NRBF2: variants seen among roughly 807,000 people sequenced by gnomAD.
NRBF2 encodes the protein nuclear receptor-binding factor 2.
Under a neutral mutation model 28.5 loss-of-function variants are expected in NRBF2, and 12 were observed. The ratio of observed to expected loss-of-function variants is 0.42; its 90% CI spans 0.27 to 0.68. The LOEUF (loss-of-function observed/expected upper bound fraction) is 0.68. Among genes scored for constraint, NRBF2 ranks in the 30% least tolerant of loss-of-function variants. The pLI is 0.24. For synonymous variants in NRBF2, 102 were observed against 116.5 expected (o/e 0.88, Z 0.80); for missense variants, 274 against 333.5 (o/e 0.82, Z 1.39).
chr10:63,152,319 G>A, intron 3 of NRBF2, 129 bp downstream of exon 3: 1 of 656,152 alleles, frequency 1.5e-6, no homozygotes. Flanking sequence ...AAATGGGCAA[G>A]GGAAGAGCAC....
At chr10:63,143,627 A>AT (rs1450421730) in intron 1 of NRBF2, among the ~76,000 whole-genome samples, 1 of 151,710 alleles carries the variant, frequency 6.6e-6, no homozygotes, top group African/African-American at 2.4e-5. Context: ...TGCTGGGCTA[A>AT]TTTTTGTAGA....
intron 1 of NRBF2, among the ~76,000 whole-genome samples, chr10:63,139,044 C>T (rs753469057): frequency 6.6e-6 from 1 of 152,114 alleles, no homozygotes; most frequent in Non-Finnish European, 1.5e-5. Context: ...GAGTATCACT[C>T]TGTTGCCCAG....
chr10:63,144,628 A>C (rs1841531482), intron 1 of NRBF2, among the ~76,000 whole-genome samples: 1 of 151,866 alleles, frequency 6.6e-6, no homozygotes, highest in African/African-American at 2.4e-5. Flanking sequence ...GTGTTAGCCA[A>C]GATGGTCTCG....
At chr10:63,137,086 G>GAGCCC (rs1841389252) in intron 1 of NRBF2, among the ~76,000 whole-genome samples, 1 of 152,140 alleles carries the variant, frequency 6.6e-6, no homozygotes. Flanking sequence ...CCTCCTGCCT[G>GAGCCC]AGCCCTCCAC....
rs1443688873 is a variant in NRBF2 at position 63,134,521 on chromosome 10, T to C, written c.30+1021T>C. On this transcript the variant is annotated intron_variant, in intron 1 of 3. Coordinates refer to ENST00000277746, the MANE Select transcript of NRBF2 (RefSeq NM_030759.5). Reference sequence around the variant, plus strand: ...TTTAAGACTCTAGGTTTTGAAGCTATGCTGCTTGGATTTGAATTCTAACCT... The same window carrying C: ...TTTAAGACTCTAGGTTTTGAAGCTACGCTGCTTGGATTTGAATTCTAACCT... 8.5e-5 allele frequency among the ~76,000 whole-genome samples: 13 copies of C among 152,316 alleles called. No homozygotes were observed. The East Asian group carries it at 2.3e-3, about 27-fold the overall frequency.
chr10:63,147,427 TCTC>T (rs1311204392), intron 2 of NRBF2, among the ~76,000 whole-genome samples: 1 of 151,856 alleles, frequency 6.6e-6, no homozygotes, highest in Non-Finnish European at 1.5e-5. Context: ...TTCAAGTGGT[TCTC>T]CTGCCTCAGC....
intron 1 of NRBF2, among the ~76,000 whole-genome samples, chr10:63,140,458 C>T (rs1226250935): frequency 6.6e-6 from 1 of 152,108 alleles, no homozygotes; most frequent in African/African-American, 2.4e-5. Context: ...TCCTCTGTCC[C>T]ACAGACTAGA....
chr10:63,150,914 C>T (rs1023709298), intron 2 of NRBF2, among the ~76,000 whole-genome samples: 4 of 152,112 alleles, frequency 2.6e-5, no homozygotes, highest in African/African-American at 9.7e-5. Context: ...GAAGCTAATG[C>T]CGCTGCTGAT....
At chr10:63,147,778 T>A (rs55665856) in intron 2 of NRBF2, among the ~76,000 whole-genome samples, 1,997 of 151,746 alleles carry the variant, frequency 0.013, 31 homozygotes, top group African/African-American at 0.034. Context: ...CCGCTTTTTT[T>A]AAAAAAGAAA....
chr10:63,140,803 C>T (rs891720546), intron 1 of NRBF2, among the ~76,000 whole-genome samples: 2 of 151,730 alleles, frequency 1.3e-5, no homozygotes, highest in Non-Finnish European at 2.9e-5. Flanking sequence ...CAGGTTCAAG[C>T]GATTCTCCTG....
At chr10:63,143,523 T>C (rs996657607) in intron 1 of NRBF2, among the ~76,000 whole-genome samples, 1 of 151,874 alleles carries the variant, frequency 6.6e-6, no homozygotes, top group South Asian at 2.1e-4. Flanking sequence ...AATGGTGCGA[T>C]CTCGGCTCAC....
rs370000076 is a variant in NRBF2 at position 63,153,502 on chromosome 10, A to G, written c.157-9A>G. 6.5e-5 allele frequency: 103 copies of G among 1,577,286 alleles called. No individual in the cohort carries two copies. Among genetic ancestry groups the G allele is most frequent in the Non-Finnish European group, 7.5e-5 (87 of 1,159,764 alleles). ...TTCTTCCAATTTTATCTTTCCTTCT[A>G]TGTAATAGGCTCATCTTTCACTGGA... On this transcript the variant is annotated splice_polypyrimidine_tract_variant and intron_variant, in intron 3 of 3. Coordinates refer to ENST00000277746, the MANE Select transcript of NRBF2 (RefSeq NM_030759.5).
intron 2 of NRBF2, among the ~76,000 whole-genome samples, chr10:63,147,578 C>T (rs1489460995): frequency 6.7e-6 from 1 of 149,710 alleles, no homozygotes; most frequent in African/African-American, 2.5e-5. Context: ...TCCCAAAGCG[C>T]TGGGATTACA....
At position 63,155,024 on chromosome 10, in the gene NRBF2, A is replaced by T. The variant is rs1353231454; in HGVS notation, c.*806A>T. The T allele has an allele frequency of 1.3e-5, 2 of 152,366 alleles. No individual in the cohort carries two copies. Among genetic ancestry groups the T allele is most frequent in the East Asian group, 3.9e-4 (2 of 5,182 alleles). The allele number at this position is 152,366 out of a possible 1,614,324, so 9.4% of individuals were successfully genotyped here. On this transcript the variant is annotated 3_prime_UTR_variant, in exon 4 of 4. Transcript: ENST00000277746. ...GAAATCAATAAAGTAATTGTGTTTT[A>T]TACCTTTGTTGAACGTGGTTGATAG...
intron 1 of NRBF2, among the ~76,000 whole-genome samples, chr10:63,134,954 G>A (rs935761573): frequency 1.3e-5 from 2 of 152,142 alleles, no homozygotes; most frequent in Non-Finnish European, 1.5e-5. Flanking sequence ...TTGGGAGGCC[G>A]AGGCGGGCGA....
chr10:63,140,813 G>A lies in NRBF2; in HGVS notation c.31-5396G>A, dbSNP rs553396223. On this transcript the variant is annotated intron_variant, in intron 1 of 3. Coordinates refer to ENST00000277746, the MANE Select transcript of NRBF2 (RefSeq NM_030759.5). Reference sequence around the variant, plus strand: ...CCTCCCAGGTTCAAGCGATTCTCCTGCCTCAGCCTCCCGAGTAGCTGGGAC... The same window carrying A: ...CCTCCCAGGTTCAAGCGATTCTCCTACCTCAGCCTCCCGAGTAGCTGGGAC... Among the ~76,000 whole-genome samples, 5 of 151,662 alleles carry A rather than the reference G, an allele frequency of 3.3e-5. No individual in the cohort carries two copies. The East Asian group carries it at 9.8e-4, about 30-fold the overall frequency.
At chr10:63,133,947 C>T (rs1841332647) in intron 1 of NRBF2, among the ~76,000 whole-genome samples, 1 of 150,504 alleles carries the variant, frequency 6.6e-6, no homozygotes, top group Admixed American at 6.6e-5. Flanking sequence ...TGAATAGCCT[C>T]CTCACCCTCC....
chr10:63,134,725 T>C (rs931779030), intron 1 of NRBF2, among the ~76,000 whole-genome samples: 1 of 152,198 alleles, frequency 6.6e-6, no homozygotes, highest in Non-Finnish European at 1.5e-5. Context: ...AAAATCTATT[T>C]GTAGAATAAA....
At chr10:63,133,722 GC>G (rs1280832424) in intron 1 of NRBF2, among the ~76,000 whole-genome samples, 1 of 152,130 alleles carries the variant, frequency 6.6e-6, no homozygotes, top group Non-Finnish European at 1.5e-5. Flanking sequence ...AAGTCCTGGC[GC>G]CCCCTGTCGC....
Sources: allele counts gnomAD v4.1 joint callset (sites outside exome capture counted in the v4.1 genomes callset), GRCh38; gene constraint gnomAD v4.1.1; transcripts MANE v1.5; gene names NCBI Gene and HGNC (gene_info 2026-07-23, HGNC 2026-07-21).